DNM1L: variants seen among roughly 807,000 people sequenced by gnomAD.
The protein encoded by DNM1L is dynamin 1L, also known as dynamin-1-like protein.
Under a neutral mutation model 92.8 loss-of-function variants are expected in DNM1L, and 33 were observed. That is an observed-to-expected ratio of 0.36 (90% CI 0.27 to 0.48). The LOEUF is 0.48. DNM1L is among the 20% of genes least tolerant of loss of function. The probability of loss-of-function intolerance (pLI) is 0.99; values close to 1 mark genes in which losing one functional copy is unlikely to be tolerated. For missense variants in DNM1L, 485 were observed against 888.8 expected (o/e 0.55, Z 5.78); for synonymous variants, 284 against 305.0 (o/e 0.93, Z 0.72).
Position 32,731,786 on chromosome 12 carries a change from T to TTAG in DNM1L, c.1357-66_1357-64dup. 2.2e-6 allele frequency: 3 copies of TTAG among 1,335,148 alleles called. No homozygotes were observed. Among genetic ancestry groups the TTAG allele is most frequent in the Non-Finnish European group, 3.2e-6 (3 of 932,538 alleles). The allele number at this position is 1,335,148 out of a possible 1,614,324, so 82.7% of individuals were successfully genotyped here. A position where few individuals can be genotyped will look rare whatever the true frequency, so the allele number is the denominator to read the frequency against. Reference sequence around the variant, plus strand: ...TGGGAGGCTAAGGTGGGAGGATGGCTTAGTGAGACTATGACTTAAAAAAAA... The same window carrying TTAG: ...TGGGAGGCTAAGGTGGGAGGATGGCTTAGTAGTGAGACTATGACTTAAAAAAAA... On this transcript the variant is annotated intron_variant, in intron 11 of 19. Coordinates refer to ENST00000549701, the MANE Select transcript of DNM1L (RefSeq NM_012062.5). This position sits in a 1 kb window ranked among gnomAD's most constrained non-coding sequence, Gnocchi z 5.1.
rs138249096 is a variant in DNM1L at position 32,724,247 on chromosome 12, C to T, written c.1079+1614C>T. ...GTCATACAGAAAAAAATTGTTGGAC[C>T]TTGTGAAATAGTGCATCCATCTACT... On this transcript the variant is annotated intron_variant, in intron 9 of 19. Transcript: ENST00000549701. Among the ~76,000 whole-genome samples, 684 of 152,060 alleles carry T rather than the reference C, an allele frequency of 4.5e-3. 6 individuals are homozygous for T. The highest frequency in any genetic ancestry group is 0.016 in the African/African-American group (645 of 41,478).
At position 32,733,623 on chromosome 12, in the gene DNM1L, A is replaced by G. The variant is rs149509067; in HGVS notation, c.1447-92A>G. 1.9e-5 allele frequency: 19 copies of G among 1,016,810 alleles called. 1 individual carries two copies. In the African/African-American group the frequency reaches 2.2e-4, roughly 12 times the overall value. The allele number at this position is 1,016,810 out of a possible 1,614,324, so 63.0% of individuals were successfully genotyped here. A position where few individuals can be genotyped will look rare whatever the true frequency, so the allele number is the denominator to read the frequency against. On this transcript the variant is annotated intron_variant, in intron 12 of 19. Transcript: ENST00000549701. Reference sequence around the variant, plus strand: ...CATAAGTTTCCTGTACTTTTTCGGTATTGTCTGTTTCATAAGTTTTATATA... The same window carrying G: ...CATAAGTTTCCTGTACTTTTTCGGTGTTGTCTGTTTCATAAGTTTTATATA...
intron 2 of DNM1L, among the ~76,000 whole-genome samples, chr12:32,702,396 T>TTGAAA (rs1324534288): frequency 6.6e-6 from 1 of 152,148 alleles, no homozygotes; most frequent in African/African-American, 2.4e-5. Context: ...TTAATGAGGT[T>TTGAAA]TGAAATGTTG....
intron 15 of DNM1L, 136 bp downstream of exon 15, chr12:32,738,078 T>C (rs1955025257): frequency 4.6e-6 from 5 of 1,086,780 alleles, no homozygotes; most frequent in Non-Finnish European, 5.3e-6. Context: ...GTCTAATATA[T>C]ATTTTAAAAT....
Position 32,717,235 on chromosome 12 carries a change from A to G in DNM1L, c.620-1408A>G, listed in dbSNP as rs1193516771. ...ATAAAATATATAGTATATATTATAT[A>G]TATTTTATATATAGTATATATAGTA... On this transcript the variant is annotated intron_variant, in intron 6 of 19. Coordinates refer to ENST00000549701, the MANE Select transcript of DNM1L (RefSeq NM_012062.5). 1.9e-4 allele frequency among the ~76,000 whole-genome samples: 20 copies of G among 107,578 alleles called. No individual in the cohort carries two copies. In the South Asian group the frequency reaches 3.6e-3, roughly 19 times the overall value. The allele number at this position is 107,578 out of a possible 152,430, so 70.6% of individuals were successfully genotyped here.
At chr12:32,691,220 G>A (rs1285153938) in intron 1 of DNM1L, among the ~76,000 whole-genome samples, 1 of 151,966 alleles carries the variant, frequency 6.6e-6, no homozygotes, top group Non-Finnish European at 1.5e-5. Context: ...CAGTCAGTTT[G>A]GATTATGGGC....
intron 1 of DNM1L, among the ~76,000 whole-genome samples, chr12:32,682,960 G>A (rs542843749): frequency 2.0e-5 from 3 of 152,292 alleles, no homozygotes; most frequent in South Asian, 4.1e-4. Context: ...AACTTTGCAA[G>A]TAGAGGAGAT....
intron 6 of DNM1L, among the ~76,000 whole-genome samples, chr12:32,717,375 C>CTA (rs1222690867): frequency 8.3e-5 from 5 of 60,400 alleles, no homozygotes; most frequent in Admixed American, 2.6e-4. Flanking sequence ...AATATATATA[C>CTA]TATATATAAT....
rs929096927 is a variant in DNM1L at position 32,744,708 on chromosome 12, C to T, written c.*1298C>T. On this transcript the variant is annotated 3_prime_UTR_variant, in exon 20 of 20. Transcript: ENST00000549701. ...AGCCTTGGCAACAAGAGCGAAACTC[C>T]GTCTCAAAAAAAAAAAATAAAACAA... 2.8e-5 allele frequency: 10 copies of T among 351,824 alleles called. No individual in the cohort carries two copies. Among genetic ancestry groups the T allele is most frequent in the Non-Finnish European group, 4.9e-5 (9 of 185,000 alleles). 21.8% of individuals were successfully genotyped at this position (351,824 alleles called of 1,614,324 possible). A position where few individuals can be genotyped will look rare whatever the true frequency, so the allele number is the denominator to read the frequency against.
Position 32,722,617 on chromosome 12 carries a change from A to G in DNM1L, c.1063A>G (p.Ile355Val). 6.2e-7 allele frequency: 1 copy of G among 1,612,432 alleles called. No homozygotes were observed. Among genetic ancestry groups the G allele is most frequent in the Non-Finnish European group, 8.5e-7 (1 of 1,179,884 alleles). Reference protein sequence around the residue: ...CNTIEGTAKYIETSELCGGAR... With the variant: ...CNTIEGTAKYVETSELCGGAR... ...CACTATTGAAGGAACTGCAAAATAT[A>G]TTGAAACTTCGGAGCTGTAAGTAAG... The change falls in exon 9 of 20, where the codon ATT becomes GTT. Residue 355 changes from isoleucine (I) to valine (V), a missense_variant. Ile to Val is a conservative substitution (Grantham distance 29, BLOSUM62 3). Around this residue, in one of 11 missense-constraint regions of DNM1L, gnomAD observed 40 missense variants for 128.7 expected, o/e 0.31. Transcript: ENST00000549701.
In DNM1L at chr12:32,679,343, G is replaced by C; in HGVS notation, c.-21G>C. On this transcript the variant is annotated 5_prime_UTR_variant, in exon 1 of 20. Coordinates refer to ENST00000549701, the MANE Select transcript of DNM1L (RefSeq NM_012062.5). ...TCATTGCCGTGGCCGGCGGGCACTGGGGCCCCGTGTTTTCAGAGTCATGGA... is the reference window on the plus strand; with the variant it reads ...TCATTGCCGTGGCCGGCGGGCACTGCGGCCCCGTGTTTTCAGAGTCATGGA... 7 of 1,593,100 alleles carry C rather than the reference G, an allele frequency of 4.4e-6. No individual in the cohort carries two copies. Among genetic ancestry groups the C allele is most frequent in the Non-Finnish European group, 6.0e-6 (7 of 1,162,946 alleles).
chr12:32,731,067 TAGA>T lies in DNM1L; in HGVS notation c.1135_1137del (p.Glu379del). The T allele has an allele frequency of 6.2e-7, 1 of 1,614,044 alleles. No individual in the cohort carries two copies. ...TTCCATGAGACTTTTGGGCGAACCTTAGAATCTGTTGATCCACTTGGTGGCCTT... is the reference window on the plus strand; with the variant it reads ...TTCCATGAGACTTTTGGGCGAACCTTATCTGTTGATCCACTTGGTGGCCTT... On this transcript the variant is annotated inframe_deletion, in exon 10 of 20. Coordinates refer to ENST00000549701, the MANE Select transcript of DNM1L (RefSeq NM_012062.5). This position sits in a 1 kb window ranked among gnomAD's most constrained non-coding sequence, Gnocchi z 5.1.
At chr12:32,743,291 G>C in intron 19 of DNM1L, 63 bp from the exon 20 acceptor site, 1 of 1,450,374 alleles carries the variant, frequency 6.9e-7, no homozygotes, top group East Asian at 2.4e-5. Context: ...ATTACCCTGC[G>C]TAATTCAGAT....
At chr12:32,728,661 G>GT (rs1302303339) in intron 9 of DNM1L, 1 of 152,210 alleles carries the variant, frequency 6.6e-6, no homozygotes, top group Non-Finnish European at 1.5e-5. Flanking sequence ...TGAGAAGGCA[G>GT]TAATGAGAGG....
At chr12:32,707,099 T>C (rs1952957196) in intron 2 of DNM1L, 1 of 347,562 alleles carries the variant, frequency 2.9e-6, no homozygotes, top group Admixed American at 4.5e-5. Context: ...AAAATCTAGA[T>C]TTCAACTAGT....
intron 19 of DNM1L, 72 bp downstream of exon 19, chr12:32,742,820 T>A: frequency 6.3e-7 from 1 of 1,576,554 alleles, no homozygotes; most frequent in Non-Finnish European, 8.7e-7. Flanking sequence ...AAATGCAGTT[T>A]GATTCTTGGA....
chr12:32,742,362 C>T (rs1955367314), intron 18 of DNM1L, among the ~76,000 whole-genome samples: 1 of 152,164 alleles, frequency 6.6e-6, no homozygotes, highest in African/African-American at 2.4e-5. Flanking sequence ...CGTCAGCCTC[C>T]CAGAGTGCTG....
rs375229843 is a variant in DNM1L, at chr12:32,717,903, GTA to G, written c.620-731_620-730del. 1.4e-4 allele frequency among the ~76,000 whole-genome samples: 11 copies of G among 79,474 alleles called. No individual in the cohort carries two copies. The East Asian group carries it at 2.2e-3, about 16-fold the overall frequency. The allele number at this position is 79,474 out of a possible 152,430, so 52.1% of individuals were successfully genotyped here. On this transcript the variant is annotated intron_variant, in intron 6 of 19. Coordinates refer to ENST00000549701, the MANE Select transcript of DNM1L (RefSeq NM_012062.5). ...TATATATTTATATATACTATATATA[GTA>G]TATATATAAAATATAGTATATATTT...
At chr12:32,719,676 G>A (rs1214071240) in intron 7 of DNM1L, among the ~76,000 whole-genome samples, 1 of 152,148 alleles carries the variant, frequency 6.6e-6, no homozygotes, top group Non-Finnish European at 1.5e-5. Context: ...TTTATTAAAG[G>A]TATCCTAATT....
Sources: gnomAD v4.1 joint callset for allele counts (sites outside exome capture counted in the v4.1 genomes callset) on GRCh38, gnomAD v4.1.1 for gene constraint, gnomAD v4.1.1 regional missense constraint, Gnocchi (gnomAD v3.1) non-coding constraint, MANE v1.5 for transcripts, NCBI Gene and HGNC (gene_info 2026-07-23, HGNC 2026-07-21) for gene names.